CDYL: variants seen among roughly 807,000 people sequenced by gnomAD.
The protein encoded by CDYL is chromodomain Y-like protein.
A neutral mutation model predicts 47.3 loss-of-function variants in CDYL; 8 were observed. The ratio of observed to expected loss-of-function variants is 0.17; its 90% CI spans 0.10 to 0.31. CDYL has a LOEUF of 0.31. Among genes scored for constraint, CDYL ranks in the 10% least tolerant of loss-of-function variants. CDYL has a pLI of 1.00. For synonymous variants in CDYL, 266 were observed against 265.0 expected (o/e 1.00, Z -0.04); for missense variants, 471 against 701.4 (o/e 0.67, Z 3.71).
chr6:4,854,921 A>G (rs1256720068), intron 1 of CDYL, among the ~76,000 whole-genome samples: 1 of 152,240 alleles, frequency 6.6e-6, no homozygotes, highest in Non-Finnish European at 1.5e-5. Flanking sequence ...TTGTCAGCCA[A>G]GACTCATGTT....
intron 3 of CDYL, among the ~76,000 whole-genome samples, chr6:4,742,885 G>C (rs947432845): frequency 6.6e-6 from 1 of 152,208 alleles, no homozygotes; most frequent in Non-Finnish European, 1.5e-5. Context: ...TGCAGGTGCA[G>C]GTTCCCAGGA....
intron 1 of CDYL, among the ~76,000 whole-genome samples, chr6:4,820,530 T>C (rs564709170): frequency 6.6e-6 from 1 of 152,182 alleles, no homozygotes; most frequent in Non-Finnish European, 1.5e-5. Context: ...GAGGTTTGGC[T>C]CTTGGACCTT....
At chr6:4,724,603 T>C (rs1441550756) in intron 2 of CDYL, 1 of 152,420 alleles carries the variant, frequency 6.6e-6, no homozygotes, top group Non-Finnish European at 1.5e-5. Context: ...GTGTTTGGAG[T>C]TTCTTCCTTC....
intron 1 of CDYL, among the ~76,000 whole-genome samples, chr6:4,872,733 C>A (rs145917165): frequency 6.6e-6 from 1 of 152,236 alleles, no homozygotes; most frequent in East Asian, 1.9e-4. Context: ...CACTGTAGTT[C>A]CTAACTTTGC....
At chr6:4,880,769 C>G (rs1459207562) in intron 1 of CDYL, among the ~76,000 whole-genome samples, 1 of 152,172 alleles carries the variant, frequency 6.6e-6, no homozygotes, top group Non-Finnish European at 1.5e-5. Context: ...AATTGCATTT[C>G]CCTAGTGACA....
chr6:4,903,464 G>A (rs9504289), intron 2 of CDYL, among the ~76,000 whole-genome samples: 2 of 152,152 alleles, frequency 1.3e-5, no homozygotes, highest in Non-Finnish European at 2.9e-5. Context: ...TTGATAATTA[G>A]CATTTTATTG....
intron 2 of CDYL, among the ~76,000 whole-genome samples, chr6:4,899,661 C>A (rs1464713256): frequency 6.6e-6 from 1 of 152,142 alleles, no homozygotes; most frequent in African/African-American, 2.4e-5. Flanking sequence ...GGAATTTAAG[C>A]CCTTTCAGGC....
intron 1 of CDYL, among the ~76,000 whole-genome samples, chr6:4,829,918 A>G (rs62386587): frequency 0.085 from 12,901 of 152,316 alleles, 680 homozygotes; most frequent in South Asian, 0.14. Context: ...AAATACCACA[A>G]ACCTTTCCTG....
At chr6:4,713,123 ACT>A (rs1757182718) in intron 1 of CDYL, among the ~76,000 whole-genome samples, 1 of 151,842 alleles carries the variant, frequency 6.6e-6, no homozygotes, top group African/African-American at 2.4e-5. Flanking sequence ...GAGCAAAATG[ACT>A]CTTTGAAAAT....
chr6:4,709,936 T>C (rs1757118534), intron 1 of CDYL, among the ~76,000 whole-genome samples: 2 of 152,118 alleles, frequency 1.3e-5, no homozygotes, highest in African/African-American at 2.4e-5. Context: ...AAAACATCTC[T>C]TTGGCCAGGC....
At chr6:4,835,059 C>G (rs999763703) in intron 1 of CDYL, among the ~76,000 whole-genome samples, 2 of 152,166 alleles carry the variant, frequency 1.3e-5, no homozygotes, top group African/African-American at 4.8e-5. Context: ...CTGAAGCCTT[C>G]TTTTCTCAAC....
intron 3 of CDYL, among the ~76,000 whole-genome samples, chr6:4,739,502 A>G (rs1467462801): frequency 6.6e-6 from 1 of 151,032 alleles, no homozygotes; most frequent in Admixed American, 6.6e-5. Flanking sequence ...CCTGGGTGAC[A>G]AGAGTAAAAC....
chr6:4,805,904 C>A (rs952874114), intron 1 of CDYL, among the ~76,000 whole-genome samples: 1 of 152,218 alleles, frequency 6.6e-6, no homozygotes, highest in Non-Finnish European at 1.5e-5. Flanking sequence ...TACTAGCTAC[C>A]CATCTGGGCA....
At chr6:4,738,783 G>T (rs1757746445) in intron 3 of CDYL, among the ~76,000 whole-genome samples, 1 of 152,228 alleles carries the variant, frequency 6.6e-6, no homozygotes, top group Admixed American at 6.5e-5. Flanking sequence ...GTGTGTAGAA[G>T]AATGGATAAA....
chr6:4,736,111 A>C (rs192503120), intron 3 of CDYL, among the ~76,000 whole-genome samples: 1 of 152,186 alleles, frequency 6.6e-6, no homozygotes, highest in Admixed American at 6.5e-5. Flanking sequence ...CTTTGCTTCT[A>C]TGTGTTTGAC....
intron 2 of CDYL, among the ~76,000 whole-genome samples, chr6:4,733,955 T>C (rs925022305): frequency 6.6e-6 from 1 of 151,482 alleles, no homozygotes; most frequent in Non-Finnish European, 1.5e-5. Flanking sequence ...GGGTTCAAGC[T>C]ATTCTCCTGC....
At chr6:4,758,722 C>G (rs565399513) in intron 3 of CDYL, among the ~76,000 whole-genome samples, 65 of 152,026 alleles carry the variant, frequency 4.3e-4, no homozygotes, top group African/African-American at 1.5e-3. Context: ...AATAAAAACC[C>G]TATAATTCTA....
intron 5 of CDYL, among the ~76,000 whole-genome samples, chr6:4,951,705 T>G (rs1758709971): frequency 1.3e-5 from 2 of 152,078 alleles, no homozygotes; most frequent in South Asian, 4.1e-4. Flanking sequence ...AAACGGTCGC[T>G]GCCATTAGAA....
chr6:4,874,597 G>C (rs183473078), intron 1 of CDYL, among the ~76,000 whole-genome samples: 1 of 152,182 alleles, frequency 6.6e-6, no homozygotes, highest in African/African-American at 2.4e-5. Context: ...TATGGCTTAC[G>C]TACAGTATGT....
Sources: gnomAD v4.1 joint callset for allele counts (sites outside exome capture counted in the v4.1 genomes callset) on GRCh38, gnomAD v4.1.1 for gene constraint, MANE v1.5 for transcripts, NCBI Gene and HGNC (gene_info 2026-07-23, HGNC 2026-07-21) for gene names.